Variants in SPOCK1 observed in about 807,000 individuals in gnomAD.
The protein encoded by SPOCK1 is SPARC (osteonectin), cwcv and kazal like domains proteoglycan 1.
Under a neutral mutation model 55.3 loss-of-function variants are expected in SPOCK1, and 23 were observed. The ratio of observed to expected loss-of-function variants is 0.42; its 90% CI spans 0.30 to 0.59. The LOEUF is 0.59. SPOCK1 is among the 20% of genes least tolerant of loss of function. SPOCK1 has a pLI of 0.22. For synonymous variants in SPOCK1, 226 were observed against 221.0 expected, an observed-to-expected ratio of 1.02 and a Z score of -0.20; for missense variants, 499 against 552.5, an observed-to-expected ratio of 0.90 and a Z score of 0.97.
chr5:137,405,707 A>G (rs1752083496), intron 2 of SPOCK1, among the ~76,000 whole-genome samples: 1 of 152,242 alleles, frequency 6.6e-6, no homozygotes, highest in African/African-American at 2.4e-5. Context: ...GGCAAGGGAA[A>G]GAGAAAAGGT....
At chr5:137,193,324 C>T (rs1308507356) in intron 3 of SPOCK1, among the ~76,000 whole-genome samples, 1 of 152,028 alleles carries the variant, frequency 6.6e-6, no homozygotes, top group East Asian at 1.9e-4. Context: ...GGGAGGTGAC[C>T]CAAAGCCTTG....
intron 3 of SPOCK1, among the ~76,000 whole-genome samples, chr5:137,211,964 G>A (rs938028945): frequency 1.3e-5 from 2 of 152,186 alleles, no homozygotes; most frequent in South Asian, 4.1e-4. Context: ...GTAAATGAGA[G>A]TAAAGTGGTT....
At chr5:137,354,578 G>C (rs1460059256) in intron 2 of SPOCK1, among the ~76,000 whole-genome samples, 1 of 152,204 alleles carries the variant, frequency 6.6e-6, no homozygotes, top group Non-Finnish European at 1.5e-5. Flanking sequence ...TCATGGTGCA[G>C]TTTTACACAC....
intron 2 of SPOCK1, among the ~76,000 whole-genome samples, chr5:137,440,646 C>T (rs1456782611): frequency 6.6e-6 from 1 of 152,212 alleles, no homozygotes; most frequent in Non-Finnish European, 1.5e-5. Context: ...TGAGTCTAAA[C>T]CACATTATGG....
chr5:136,995,792 G>C (rs1259464126), intron 6 of SPOCK1, among the ~76,000 whole-genome samples: 1 of 152,192 alleles, frequency 6.6e-6, no homozygotes, highest in Non-Finnish European at 1.5e-5. Flanking sequence ...TTGGATGTCT[G>C]ATCGGATCAG....
At chr5:137,451,141 A>G (rs909896357) in intron 2 of SPOCK1, among the ~76,000 whole-genome samples, 9 of 152,166 alleles carry the variant, frequency 5.9e-5, no homozygotes, top group African/African-American at 1.4e-4. Flanking sequence ...GCCACAGGCC[A>G]CAGGGTAGAT....
In SPOCK1 at chr5:137,087,465, A is replaced by G. The variant is rs1752979268; in HGVS notation, c.475-19636T>C. Among the ~76,000 whole-genome samples the G allele has an allele frequency of 2.6e-5, 4 of 152,250 alleles. No homozygotes were observed. In the South Asian group the frequency reaches 8.3e-4, roughly 31 times the overall value. On this transcript the variant is annotated intron_variant, in intron 5 of 10. Coordinates refer to ENST00000394945, the MANE Select transcript of SPOCK1 (RefSeq NM_004598.4). The stretch of plus-strand genomic sequence containing the variant: ...GGGCAGCACTCAATATACAGAAGCC[A>G]TTTTATTGCTATTATCACCATCATT...
chr5:136,979,835 T>C (rs1185282725), intron 9 of SPOCK1, among the ~76,000 whole-genome samples: 1 of 152,198 alleles, frequency 6.6e-6, no homozygotes, highest in Non-Finnish European at 1.5e-5. Context: ...CCTTTTAATA[T>C]GAAACTGATG....
intron 3 of SPOCK1, among the ~76,000 whole-genome samples, chr5:137,226,655 C>T (rs1050918052): frequency 6.6e-6 from 1 of 152,144 alleles, no homozygotes; most frequent in Non-Finnish European, 1.5e-5. Flanking sequence ...TCTCTACACC[C>T]TAGGGAACCC....
At chr5:136,995,107 C>A (rs535922960) in intron 6 of SPOCK1, among the ~76,000 whole-genome samples, 1 of 152,154 alleles carries the variant, frequency 6.6e-6, no homozygotes, top group South Asian at 2.1e-4. Context: ...ACAGCACAGA[C>A]GCAGAATCTT....
intron 3 of SPOCK1, among the ~76,000 whole-genome samples, chr5:137,178,015 T>A (rs1209146788): frequency 1.3e-5 from 2 of 152,082 alleles, no homozygotes; most frequent in Non-Finnish European, 2.9e-5. Flanking sequence ...CCGGCTTCCT[T>A]CAGGAAATCT....
At chr5:137,073,618 T>A (rs1032077872) in intron 5 of SPOCK1, among the ~76,000 whole-genome samples, 3 of 151,980 alleles carry the variant, frequency 2.0e-5, no homozygotes, top group Admixed American at 2.0e-4. Flanking sequence ...TCCAAATAAG[T>A]CAGAGCCTTA....
intron 3 of SPOCK1, among the ~76,000 whole-genome samples, chr5:137,181,717 TA>T (rs1754973673): frequency 6.6e-6 from 1 of 152,232 alleles, no homozygotes; most frequent in South Asian, 2.1e-4. Flanking sequence ...TACTGCTGTG[TA>T]AACTCCCAGG....
At chr5:137,278,970 A>G (rs1757122576) in intron 2 of SPOCK1, among the ~76,000 whole-genome samples, 1 of 151,916 alleles carries the variant, frequency 6.6e-6, no homozygotes, top group African/African-American at 2.4e-5. Flanking sequence ...CCCCAGGGGG[A>G]ATGCTATTAT....
At chr5:137,107,573 T>C (rs187903532) in intron 5 of SPOCK1, among the ~76,000 whole-genome samples, 240 of 152,310 alleles carry the variant, frequency 1.6e-3, no homozygotes, top group African/African-American at 5.5e-3. Context: ...ATCTCAAGAC[T>C]CTGTGCCTTT....
rs183345115 is a variant in SPOCK1, at chr5:137,032,698, T to G, written c.589+35017A>C. 3.3e-5 allele frequency among the ~76,000 whole-genome samples: 5 copies of G among 152,158 alleles called. No individual in the cohort carries two copies. In the East Asian group the frequency reaches 9.7e-4, roughly 29 times the overall value. ...GGAGGTGGTCAACATCCCCAAAATC[T>G]ATGGAGAGAAAGTAGCTGAGGATTT... On this transcript the variant is annotated intron_variant, in intron 6 of 10. Transcript: ENST00000394945.
At chr5:137,360,657 A>G (rs1750921980) in intron 2 of SPOCK1, among the ~76,000 whole-genome samples, 1 of 152,206 alleles carries the variant, frequency 6.6e-6, no homozygotes, top group African/African-American at 2.4e-5. Flanking sequence ...GCACAGTGAT[A>G]TTTGGGGTTC....
intron 3 of SPOCK1, among the ~76,000 whole-genome samples, chr5:137,199,369 G>T (rs1232736812): frequency 1.3e-5 from 2 of 152,100 alleles, no homozygotes; most frequent in African/African-American, 4.8e-5. Flanking sequence ...TGTGGTTTTT[G>T]TTCTCTGCGT....
At chr5:137,440,595 T>C (rs1281275341) in intron 2 of SPOCK1, among the ~76,000 whole-genome samples, 1 of 152,260 alleles carries the variant, frequency 6.6e-6, no homozygotes, top group Admixed American at 6.5e-5. Context: ...AACTGTACCT[T>C]TGCTACGAGC....
Sources: allele counts gnomAD v4.1 joint callset (sites outside exome capture counted in the v4.1 genomes callset), GRCh38; gene constraint gnomAD v4.1.1; transcripts MANE v1.5; gene names NCBI Gene and HGNC (gene_info 2026-07-23, HGNC 2026-07-21).